The following CLC variants were observed in gnomAD, a reference collection of about 807,000 sequenced individuals.
CLC encodes Charcot-Leyden crystal galectin.
A neutral mutation model predicts 13.9 loss-of-function variants in CLC; 15 were observed. The ratio of observed to expected loss-of-function variants is 1.08; its 90% CI spans 0.72 to 1.66. The LOEUF is 1.66. Ranked by LOEUF, CLC falls within the 40% of genes most tolerant of loss-of-function variation. CLC has a pLI of 0.00. For missense variants in CLC, 161 were observed against 169.1 expected, an observed-to-expected ratio of 0.95 and a Z score of 0.27; for synonymous variants, 68 against 59.9, an observed-to-expected ratio of 1.14 and a Z score of -0.63.
intron 1 of CLC, among the ~76,000 whole-genome samples, chr19:39,736,733 C>T (rs1967318256): frequency 6.6e-6 from 1 of 150,468 alleles, no homozygotes; most frequent in African/African-American, 2.5e-5. Context: ...CGAGATTGCA[C>T]CACTGCACTC....
At chr19:39,737,643 A>G (rs1427535662) in intron 1 of CLC, among the ~76,000 whole-genome samples, 1 of 151,904 alleles carries the variant, frequency 6.6e-6, no homozygotes, top group Non-Finnish European at 1.5e-5. Context: ...ACCCACCCAT[A>G]TCCTGGAGGG....
intron 1 of CLC, 53 bp from the exon 2 acceptor site, chr19:39,735,126 C>G: frequency 7.8e-7 from 1 of 1,281,400 alleles, no homozygotes; most frequent in Non-Finnish European, 1.1e-6. Context: ...GTGGCCTCCC[C>G]TCCTGTAACA....
intron 2 of CLC, among the ~76,000 whole-genome samples, chr19:39,734,709 T>C (rs1347410234): frequency 2.0e-5 from 3 of 152,232 alleles, no homozygotes; most frequent in Non-Finnish European, 4.4e-5. Context: ...CCATAGTCAC[T>C]GACTTGGTCA....
Position 39,734,463 on chromosome 19 carries a change from G to A in CLC, c.123C>T (p.His41=), listed in dbSNP as rs1967277954. 6.2e-7 allele frequency: 1 copy of A among 1,614,114 alleles called. No homozygotes were observed. Among genetic ancestry groups the A allele is most frequent in the Non-Finnish European group, 8.5e-7 (1 of 1,179,966 alleles). ...LNEPYLQVDF[H]TEMKEESDIV... The stretch of plus-strand genomic sequence containing the variant: ...TGTCTGATTCCTCCTTCATCTCAGT[G>A]TGGAAATCCACCTGCAGATATGGTT... Residue 41 remains histidine, a synonymous_variant, in exon 3 of 4, where the codon CAC becomes CAT. Coordinates refer to ENST00000221804, the MANE Select transcript of CLC (RefSeq NM_001828.6).
chr19:39,735,520 T>C (rs1967295102), intron 1 of CLC, among the ~76,000 whole-genome samples: 1 of 152,142 alleles, frequency 6.6e-6, no homozygotes, highest in African/African-American at 2.4e-5. Context: ...TTCACGATGT[T>C]GCCCAGGCTG....
intron 1 of CLC, 121 bp downstream of exon 1, chr19:39,737,817 C>T (rs1967336727): frequency 2.9e-6 from 3 of 1,042,466 alleles, no homozygotes; most frequent in Non-Finnish European, 1.4e-6. Flanking sequence ...CTCTTCCACA[C>T]ACCCACAACT....
At chr19:39,732,044 A>AT (rs1169382185) in intron 3 of CLC, among the ~76,000 whole-genome samples, 2 of 80,286 alleles carry the variant, frequency 2.5e-5, no homozygotes, top group Non-Finnish European at 5.4e-5. Flanking sequence ...TATTATCTTT[A>AT]TTTATTTTTT....
intron 1 of CLC, among the ~76,000 whole-genome samples, chr19:39,735,640 T>G (rs1967297041): frequency 6.6e-6 from 1 of 152,192 alleles, no homozygotes; most frequent in Non-Finnish European, 1.5e-5. Flanking sequence ...GATCTATTGC[T>G]TAAACTCTCC....
chr19:39,731,609 G>A, intron 3 of CLC, 104 bp from the exon 4 acceptor site: 1 of 1,243,760 alleles, frequency 8.0e-7, no homozygotes, highest in Non-Finnish European at 1.1e-6. Context: ...ACCAGAAAAT[G>A]CCTCATTATA....
rs866565106 is a variant in CLC at position 39,732,153 on chromosome 19, C to T, written c.304-648G>A. 7.0e-3 allele frequency among the ~76,000 whole-genome samples: 927 copies of T among 133,344 alleles called. 14 individuals are homozygous for T. Among genetic ancestry groups the T allele is most frequent in the African/African-American group, 0.025 (844 of 33,898 alleles). The allele number at this position is 133,344 out of a possible 152,430, so 87.5% of individuals were successfully genotyped here. A position where few individuals can be genotyped will look rare whatever the true frequency, so the allele number is the denominator to read the frequency against. On this transcript the variant is annotated intron_variant, in intron 3 of 3. Coordinates refer to ENST00000221804, the MANE Select transcript of CLC (RefSeq NM_001828.6). ...TGTGCAGGTTAGTTACATATGTATA[C>T]ATGTGCCATGCTGGTGCTCTGCACC...
intron 3 of CLC, among the ~76,000 whole-genome samples, chr19:39,733,463 T>C (rs1360246680): frequency 6.6e-6 from 1 of 152,182 alleles, no homozygotes; most frequent in African/African-American, 2.4e-5. Flanking sequence ...AGGGAAAAGT[T>C]GGCAATGAAA....
rs1013623436 is a variant in CLC at position 39,734,923 on chromosome 19, AC to A, written c.92+73del. ...GCCAACTAGACTTTCCACATGATTC[AC>A]ACATGAGGTCACCCCCTTAGAAAAT... On this transcript the variant is annotated intron_variant, in intron 2 of 3. Transcript: ENST00000221804. 7.8e-6 allele frequency: 9 copies of A among 1,157,372 alleles called. No individual in the cohort carries two copies. The African/African-American group carries it at 1.4e-4, about 18-fold the overall frequency. 71.7% of individuals were successfully genotyped at this position (1,157,372 alleles called of 1,614,324 possible).
rs774290465 is a variant in CLC, at chr19:39,731,451, C to A, written c.358G>T (p.Ala120Ser). 4 of 1,613,660 alleles carry A rather than the reference C, an allele frequency of 2.5e-6. No individual in the cohort carries two copies. In the African/African-American group the frequency reaches 5.3e-5, roughly 22 times the overall value. ...CTCCACACTTGCACCATCTTCACAG[C>A]CTCAGGCTTGATTCTATGGTCAAAG... ...YTFDHRIKPE[A>S]VKMVQVWRDI... The change falls in exon 4 of 4, where the codon GCT becomes TCT. Residue 120 changes from alanine (A) to serine (S), a missense_variant. Coordinates refer to ENST00000221804, the MANE Select transcript of CLC (RefSeq NM_001828.6).
In CLC at chr19:39,737,961, C is replaced by T. The variant is rs1967339895; in HGVS notation, c.-9G>A. ...ACGGGTAGCAGGGACATTGTTGTCT[C>T]CTTCTGGGTGGCTCTTCTGAATTGT... On this transcript the variant is annotated 5_prime_UTR_variant, in exon 1 of 4. Coordinates refer to ENST00000221804, the MANE Select transcript of CLC (RefSeq NM_001828.6). The T allele has an allele frequency of 6.2e-7, 1 of 1,612,374 alleles. No homozygotes were observed. Among genetic ancestry groups the T allele is most frequent in the Admixed American group, 1.7e-5 (1 of 59,918 alleles).
chr19:39,731,625 G>T, intron 3 of CLC, 120 bp from the exon 4 acceptor site: 1 of 963,218 alleles, frequency 1.0e-6, no homozygotes, highest in Non-Finnish European at 1.5e-6. Flanking sequence ...TTATATATCT[G>T]AACCCAGTAG....
Position 39,737,876 on chromosome 19 carries a change from A to G in CLC, c.15+62T>C, listed in dbSNP as rs1024664909. On this transcript the variant is annotated intron_variant, in intron 1 of 3. Transcript: ENST00000221804. Reference sequence around the variant, plus strand: ...AATTTTCATATTTTCATCCCATAAAATCTCCCTCTTCCCTTTTCTGTGTGA... The same window carrying G: ...AATTTTCATATTTTCATCCCATAAAGTCTCCCTCTTCCCTTTTCTGTGTGA... 4.6e-6 allele frequency: 7 copies of G among 1,529,076 alleles called. No individual in the cohort carries two copies. In the African/African-American group the frequency reaches 8.3e-5, roughly 18 times the overall value. The allele number at this position is 1,529,076 out of a possible 1,614,324, so 94.7% of individuals were successfully genotyped here. A position where few individuals can be genotyped will look rare whatever the true frequency, so the allele number is the denominator to read the frequency against.
At chr19:39,731,739 C>G (rs437780) in intron 3 of CLC, among the ~76,000 whole-genome samples, 102,067 of 152,120 alleles carry the variant, frequency 0.67, 35,038 homozygotes, top group African/African-American at 0.77. Flanking sequence ...CTGTCACTCT[C>G]TGTCACATGG....
At chr19:39,733,595 T>C (rs117334285) in intron 3 of CLC, among the ~76,000 whole-genome samples, 1,635 of 152,304 alleles carry the variant, frequency 0.011, 11 homozygotes, top group South Asian at 0.029. Flanking sequence ...AGGGGAATAT[T>C]ATGTAATCCT....
intron 3 of CLC, among the ~76,000 whole-genome samples, chr19:39,733,596 A>G (rs1237271720): frequency 6.6e-6 from 1 of 152,190 alleles, no homozygotes; most frequent in African/African-American, 2.4e-5. Context: ...GGGGAATATT[A>G]TGTAATCCTT....
Sources: gnomAD v4.1 joint callset for allele counts (sites outside exome capture counted in the v4.1 genomes callset) on GRCh38, gnomAD v4.1.1 for gene constraint, MANE v1.5 for transcripts, NCBI Gene and HGNC (gene_info 2026-07-23, HGNC 2026-07-21) for gene names.